CLEC2L: variants seen among roughly 807,000 people sequenced by gnomAD.
CLEC2L encodes C-type lectin domain family 2 member L.
CLEC2L carries 14 observed loss-of-function variants against 23.6 expected under a neutral mutation model. The observed-to-expected ratio is 0.59, with a 90% CI of 0.39 to 0.93. The LOEUF is 0.93. CLEC2L is among the 40% of genes least tolerant of loss of function. The pLI is 0.00. For missense variants in CLEC2L, 264 were observed against 282.4 expected, an observed-to-expected ratio of 0.93 and a Z score of 0.47; for synonymous variants, 114 against 121.3, an observed-to-expected ratio of 0.94 and a Z score of 0.40.
intron 4 of CLEC2L, among the ~76,000 whole-genome samples, 194 bp from the exon 5 acceptor site, chr7:139,544,036 AG>A (rs1797773542): frequency 6.6e-6 from 1 of 152,242 alleles, no homozygotes; most frequent in South Asian, 2.1e-4. Context: ...GGGTGGCTGG[AG>A]CTACGGTGCA....
chr7:139,541,976 G>A (rs756609314), intron 3 of CLEC2L, 45 bp from the exon 4 acceptor site: 7 of 1,330,924 alleles, frequency 5.3e-6, no homozygotes, highest in Non-Finnish European at 6.4e-6. Flanking sequence ...ACAGCAGTCA[G>A]GAGACCGCAT....
intron 4 of CLEC2L, 89 bp from the exon 5 acceptor site, chr7:139,544,142 G>A: frequency 1.1e-6 from 1 of 885,782 alleles, no homozygotes; most frequent in East Asian, 2.6e-5. Context: ...GGAGGGATAG[G>A]TCACAGGGCC....
chr7:139,524,239 G>T, intron 1 of CLEC2L, 122 bp downstream of exon 1: 23 of 1,030,246 alleles, frequency 2.2e-5, no homozygotes, highest in Non-Finnish European at 2.7e-5. Flanking sequence ...GGAGCGCGGC[G>T]CCGGGACGCG....
chr7:139,544,448 C>G lies in CLEC2L; in HGVS notation c.*106C>G. The G allele has an allele frequency of 3.8e-6, 3 of 789,318 alleles. No homozygotes were observed. The South Asian group carries it at 4.9e-5, about 13-fold the overall frequency. 48.9% of individuals were successfully genotyped at this position (789,318 alleles called of 1,614,324 possible). A position where few individuals can be genotyped will look rare whatever the true frequency, so the allele number is the denominator to read the frequency against. The stretch of plus-strand genomic sequence containing the variant: ...GCCGCCTGCCCTCTGCAAGGCGAAG[C>G]GGTGGGTGCGTGGCCTCCGCCCCAG... On this transcript the variant is annotated 3_prime_UTR_variant, in exon 5 of 5. Coordinates refer to ENST00000422142, the MANE Select transcript of CLEC2L (RefSeq NM_001080511.4).
intron 4 of CLEC2L, among the ~76,000 whole-genome samples, chr7:139,543,087 G>A (rs1797760785): frequency 6.6e-6 from 1 of 152,186 alleles, no homozygotes; most frequent in Admixed American, 6.5e-5. Context: ...CCTCCTGGTT[G>A]CCAGAGGTGG....
At chr7:139,524,207 G>C (rs1287612034) in intron 1 of CLEC2L, 90 bp downstream of exon 1, 8 of 1,050,806 alleles carry the variant, frequency 7.6e-6, no homozygotes, top group Admixed American at 5.7e-5. Context: ...CACCTTGGCC[G>C]CTGTCCCGGA....
At position 139,523,831 on chromosome 7, in the gene CLEC2L, G is replaced by T. The variant is rs1428270309; in HGVS notation, c.-97G>T. On this transcript the variant is annotated 5_prime_UTR_variant, in exon 1 of 5. Transcript: ENST00000422142. This position sits in a 1 kb window ranked among gnomAD's most constrained non-coding sequence, Gnocchi z 4.1. ...GTCCTAGCCCACCCGAGGCCGGCCT[G>T]GGGGGCCCGCAGGGCGCGCGGAGCG... is the stretch of plus-strand genomic sequence containing the variant. 5 of 831,120 alleles carry T rather than the reference G, an allele frequency of 6.0e-6. No homozygotes were observed. The African/African-American group carries it at 9.3e-5, about 15-fold the overall frequency. The allele number at this position is 831,120 out of a possible 1,614,324, so 51.5% of individuals were successfully genotyped here. A position where few individuals can be genotyped will look rare whatever the true frequency, so the allele number is the denominator to read the frequency against.
chr7:139,528,690 T>C (rs1400167419), intron 1 of CLEC2L, among the ~76,000 whole-genome samples: 1 of 152,102 alleles, frequency 6.6e-6, no homozygotes, highest in Non-Finnish European at 1.5e-5. Flanking sequence ...GGGACATAGT[T>C]GAACGACATA....
At chr7:139,527,701 G>A (rs1797524885) in intron 1 of CLEC2L, among the ~76,000 whole-genome samples, 1 of 152,158 alleles carries the variant, frequency 6.6e-6, no homozygotes, top group Non-Finnish European at 1.5e-5. Flanking sequence ...GGGTATGGGA[G>A]AGGGGACAGA....
chr7:139,524,549 G>A (rs1797479084), intron 1 of CLEC2L, among the ~76,000 whole-genome samples: 1 of 152,102 alleles, frequency 6.6e-6, no homozygotes, highest in Non-Finnish European at 1.5e-5. Context: ...TGAGAGCCGC[G>A]GGGACCCCGT....
intron 1 of CLEC2L, among the ~76,000 whole-genome samples, chr7:139,529,568 C>A (rs1797550605): frequency 6.6e-6 from 1 of 152,192 alleles, no homozygotes; most frequent in African/African-American, 2.4e-5. Context: ...GACAGCAGAG[C>A]ATGAACAGAG....
At chr7:139,527,292 C>T (rs1797519457) in intron 1 of CLEC2L, among the ~76,000 whole-genome samples, 2 of 152,170 alleles carry the variant, frequency 1.3e-5, no homozygotes, top group Non-Finnish European at 2.9e-5. Context: ...TGGCCAAGGA[C>T]GTCAGCCTTG....
At chr7:139,527,736 A>G (rs1797525437) in intron 1 of CLEC2L, among the ~76,000 whole-genome samples, 1 of 152,172 alleles carries the variant, frequency 6.6e-6, no homozygotes, top group African/African-American at 2.4e-5. Context: ...CTCAGCCTAT[A>G]GATTTTTTAG....
intron 1 of CLEC2L, among the ~76,000 whole-genome samples, chr7:139,526,238 G>A (rs1379174845): frequency 6.6e-6 from 1 of 152,146 alleles, no homozygotes; most frequent in Non-Finnish European, 1.5e-5. Flanking sequence ...GAGCCTGAGA[G>A]GAGACAGAGG....
In CLEC2L at chr7:139,542,122, G is replaced by A. The variant is rs1261170253; in HGVS notation, c.533+1G>A. The A allele has an allele frequency of 3.7e-6, 6 of 1,601,924 alleles. No homozygotes were observed. Among genetic ancestry groups the A allele is most frequent in the Non-Finnish European group, 2.6e-6 (3 of 1,172,794 alleles). Reference sequence around the variant, plus strand: ...ACGGGGACCCGTTTGATCCGGACACGTGAGCTGAGGCTTCATCTTCTGGCT... The same window carrying A: ...ACGGGGACCCGTTTGATCCGGACACATGAGCTGAGGCTTCATCTTCTGGCT... On this transcript the variant is annotated splice_donor_variant, in intron 4 of 4. Transcript: ENST00000422142. LOFTEE classifies it high-confidence loss of function.
At chr7:139,543,389 G>A (rs1797764944) in intron 4 of CLEC2L, among the ~76,000 whole-genome samples, 2 of 152,186 alleles carry the variant, frequency 1.3e-5, no homozygotes, top group Admixed American at 1.3e-4. Context: ...GGTCCGTGGC[G>A]TGCTGACCAC....
intron 1 of CLEC2L, among the ~76,000 whole-genome samples, chr7:139,527,077 C>A (rs1797516620): frequency 6.6e-6 from 1 of 152,256 alleles, no homozygotes; most frequent in Non-Finnish European, 1.5e-5. Flanking sequence ...CAATGCACAT[C>A]AAGCACCTGC....
chr7:139,538,458 CAA>C (rs200895765), intron 2 of CLEC2L, among the ~76,000 whole-genome samples: 1 of 142,088 alleles, frequency 7.0e-6, no homozygotes, highest in Non-Finnish European at 1.5e-5. Flanking sequence ...AAACAAAAAA[CAA>C]AAAAAGGTCC....
intron 2 of CLEC2L, among the ~76,000 whole-genome samples, chr7:139,538,436 AAAAAAAAC>A (rs1179363668): frequency 2.0e-5 from 3 of 149,796 alleles, no homozygotes; most frequent in African/African-American, 7.4e-5. Context: ...GTCTCAAAAA[AAAAAAAAC>A]AAAAAACAAA....
Sources: allele counts gnomAD v4.1 joint callset (sites outside exome capture counted in the v4.1 genomes callset), GRCh38; gene constraint gnomAD v4.1.1; non-coding constraint Gnocchi (gnomAD v3.1); transcripts MANE v1.5; gene names NCBI Gene and HGNC (gene_info 2026-07-23, HGNC 2026-07-21).